Variants in MAMDC2 observed in about 807,000 individuals in gnomAD.
MAMDC2 encodes MAM domain-containing protein 2.
MAMDC2 carries 57 observed loss-of-function variants against 89.8 expected under a neutral mutation model. The observed-to-expected ratio is 0.63, with a 90% CI of 0.51 to 0.79. The LOEUF (loss-of-function observed/expected upper bound fraction) is 0.79. Among genes scored for constraint, MAMDC2 ranks in the 30% least tolerant of loss-of-function variants. The pLI is 0.00. For missense variants in MAMDC2, 800 were observed against 820.6 expected (o/e 0.97, Z 0.31); for synonymous variants, 313 against 293.4 (o/e 1.07, Z -0.68).
intron 2 of MAMDC2, among the ~76,000 whole-genome samples, chr9:70,106,821 G>C (rs934569286): frequency 8.5e-5 from 13 of 152,144 alleles, no homozygotes; most frequent in African/African-American, 2.9e-4. Flanking sequence ...GGCAAGAAAG[G>C]ATCCCTGAAG....
chr9:70,212,002 G>A (rs1353735879), intron 11 of MAMDC2, among the ~76,000 whole-genome samples: 2 of 152,212 alleles, frequency 1.3e-5, no homozygotes, highest in East Asian at 1.9e-4. Flanking sequence ...TTGTCTCAGA[G>A]GGGCACCCAG....
At chr9:70,085,497 T>C (rs1181412001) in intron 2 of MAMDC2, among the ~76,000 whole-genome samples, 1 of 152,142 alleles carries the variant, frequency 6.6e-6, no homozygotes, top group Non-Finnish European at 1.5e-5. Flanking sequence ...TTTTTCCCAG[T>C]GTCAACATAT....
intron 2 of MAMDC2, among the ~76,000 whole-genome samples, chr9:70,100,637 G>A (rs907913949): frequency 1.3e-5 from 2 of 152,204 alleles, no homozygotes; most frequent in Admixed American, 6.5e-5. Context: ...CACTTGAAAT[G>A]ATGATTAGCC....
intron 11 of MAMDC2, 50 bp downstream of exon 11, chr9:70,170,681 C>A: frequency 6.7e-7 from 1 of 1,500,030 alleles, no homozygotes; most frequent in Non-Finnish European, 8.9e-7. Context: ...TCTAAAATAG[C>A]ATTCTAGGAA....
At position 70,171,041 on chromosome 9, in the gene MAMDC2, TA is replaced by T. The variant is rs761206053; in HGVS notation, c.1651+414del. The T allele has an allele frequency of 4.4e-4, 76 of 172,378 alleles. No individual in the cohort carries two copies. The Middle Eastern group carries it at 0.018, about 40-fold the overall frequency. 10.7% of individuals were successfully genotyped at this position (172,378 alleles called of 1,614,324 possible). Reference sequence around the variant, plus strand: ...GCTTTCAGTAGCCAAAACGCACCTGTAAAACATGATTCACAGAATGAGCAGT... The same window carrying T: ...GCTTTCAGTAGCCAAAACGCACCTGTAAACATGATTCACAGAATGAGCAGT... On this transcript the variant is annotated intron_variant, in intron 11 of 13. Transcript: ENST00000377182.
intron 2 of MAMDC2, among the ~76,000 whole-genome samples, chr9:70,068,560 TACA>T (rs1204106481): frequency 2.0e-5 from 3 of 151,524 alleles, no homozygotes; most frequent in Non-Finnish European, 4.4e-5. Context: ...CTACTAAAAA[TACA>T]ACAACAACAA....
In MAMDC2 at chr9:70,150,687, G is replaced by A. The variant is rs565937592; in HGVS notation, c.1404+6868G>A. Among the ~76,000 whole-genome samples the A allele has an allele frequency of 3.3e-5, 5 of 152,190 alleles. No individual in the cohort carries two copies. In the East Asian group the frequency reaches 7.7e-4, roughly 23 times the overall value. The stretch of plus-strand genomic sequence containing the variant: ...TGCCACTTTTCCCTAAATTCCAGAC[G>A]AAACCCTTCAGTGACACCCCTAAAA... On this transcript the variant is annotated intron_variant, in intron 9 of 13. Coordinates refer to ENST00000377182, the MANE Select transcript of MAMDC2 (RefSeq NM_153267.5).
intron 2 of MAMDC2, among the ~76,000 whole-genome samples, chr9:70,079,981 C>G (rs1827617946): frequency 6.6e-6 from 1 of 152,172 alleles, no homozygotes; most frequent in Admixed American, 6.6e-5. Flanking sequence ...TTGCAAAATA[C>G]TATTCTTATT....
At chr9:70,159,032 T>C (rs896572100) in intron 9 of MAMDC2, among the ~76,000 whole-genome samples, 5 of 147,108 alleles carry the variant, frequency 3.4e-5, no homozygotes, top group Non-Finnish European at 7.4e-5. Context: ...TAAACATATA[T>C]GTGTGCATGC....
In MAMDC2 at chr9:70,143,805, C is replaced by T. The variant is rs1485073176; in HGVS notation, c.1390C>T (p.Pro464Ser). 1 of 1,613,830 alleles carries T rather than the reference C, an allele frequency of 6.2e-7. No homozygotes were observed. Among genetic ancestry groups the T allele is most frequent in the Non-Finnish European group, 8.5e-7 (1 of 1,179,862 alleles). ...GCAAGCTGAAATCACCTTTAAGAAG[C>T]CCATGCCTACCAAGGTACAGCAGAG... is the stretch of plus-strand genomic sequence containing the variant. The part of the protein sequence containing the change: ...WMQAEITFKK[P>S]MPTKVVFMSL... The change falls in exon 9 of 14, where the codon CCC (proline) becomes TCC (serine). Residue 464 changes from proline to serine, a missense_variant. Pro to Ser is a moderately conservative substitution (Grantham distance 74, BLOSUM62 -1). Transcript: ENST00000377182.
chr9:70,065,579 CTTT>C lies in MAMDC2; in HGVS notation c.148+20897_148+20899del, dbSNP rs34893537. Among the ~76,000 whole-genome samples the C allele has an allele frequency of 1.0e-3, 147 of 141,344 alleles. 1 individual carries two copies. Among genetic ancestry groups the C allele is most frequent in the Middle Eastern group, 3.6e-3 (1 of 278 alleles). 92.7% of individuals were successfully genotyped at this position (141,344 alleles called of 152,430 possible). On this transcript the variant is annotated intron_variant, in intron 2 of 13. Coordinates refer to ENST00000377182, the MANE Select transcript of MAMDC2 (RefSeq NM_153267.5). ...CAAGCAGGAGTCAAAACCCCACGTC[CTTT>C]TTTTTTTTTTTTTTAATACATGGAG...
chr9:70,156,676 A>G (rs1341245046), intron 9 of MAMDC2, among the ~76,000 whole-genome samples: 1 of 152,234 alleles, frequency 6.6e-6, no homozygotes, highest in Non-Finnish European at 1.5e-5. Flanking sequence ...GTCAAGTGGA[A>G]TAAGTTTTCA....
intron 2 of MAMDC2, among the ~76,000 whole-genome samples, chr9:70,096,392 C>T (rs1828027578): frequency 6.6e-6 from 1 of 152,190 alleles, no homozygotes; most frequent in Admixed American, 6.5e-5. Flanking sequence ...ACCTCCTGTT[C>T]TTAAAGTGGC....
chr9:70,061,001 G>A (rs574416607), intron 2 of MAMDC2, among the ~76,000 whole-genome samples: 1 of 152,066 alleles, frequency 6.6e-6, no homozygotes, highest in African/African-American at 2.4e-5. Flanking sequence ...GAAAAAGAAA[G>A]CCAATGAATG....
rs751559059 is a variant in MAMDC2 at position 70,150,140 on chromosome 9, G to A, written c.1404+6321G>A. 7.2e-5 allele frequency among the ~76,000 whole-genome samples: 11 copies of A among 152,292 alleles called. No individual in the cohort carries two copies. In the Middle Eastern group the frequency reaches 0.01, roughly 141 times the overall value. ...CCTGTCAAGGCTTCAGAGATCAAGA[G>A]TTTTCCAGAGCTATGACACCCAAAC... On this transcript the variant is annotated intron_variant, in intron 9 of 13. Transcript: ENST00000377182.
chr9:70,223,590 T>C (rs990602868), intron 12 of MAMDC2, among the ~76,000 whole-genome samples: 3 of 152,228 alleles, frequency 2.0e-5, no homozygotes, highest in African/African-American at 7.2e-5. Flanking sequence ...GCAGTTCACA[T>C]GGTGTCTGCT....
At chr9:70,203,890 T>A (rs1422338260) in intron 11 of MAMDC2, among the ~76,000 whole-genome samples, 1 of 123,750 alleles carries the variant, frequency 8.1e-6, no homozygotes, top group Non-Finnish European at 1.7e-5. Flanking sequence ...TTCTCGAGCC[T>A]TGGTTTTCAG....
chr9:70,182,985 T>C (rs1325894172), intron 11 of MAMDC2, among the ~76,000 whole-genome samples: 2 of 152,244 alleles, frequency 1.3e-5, no homozygotes, highest in Non-Finnish European at 2.9e-5. Context: ...TTTGGGCATT[T>C]AGTGCTATAC....
chr9:70,131,527 T>C lies in MAMDC2; in HGVS notation c.909T>C (p.Phe303=), dbSNP rs769288620. 6.3e-7 allele frequency: 1 copy of C among 1,598,954 alleles called. No homozygotes were observed. The highest frequency in any genetic ancestry group is 8.5e-7 in the Non-Finnish European group (1 of 1,176,324). The part of the protein sequence containing the change: ...FSAPYPMEVI[F]EVAFNGPKGG... ...GCCATTTTCCTCTGCAGGTTATTTTTGAAGTTGCTTTCAATGGTCCCAAGG... is the reference window on the plus strand; with the variant it reads ...GCCATTTTCCTCTGCAGGTTATTTTCGAAGTTGCTTTCAATGGTCCCAAGG... The change falls in exon 7 of 14, where the codon TTT becomes TTC. Residue 303 remains phenylalanine, a synonymous_variant. Coordinates refer to ENST00000377182, the MANE Select transcript of MAMDC2 (RefSeq NM_153267.5).
Sources: allele counts gnomAD v4.1 joint callset (sites outside exome capture counted in the v4.1 genomes callset), GRCh38; gene constraint gnomAD v4.1.1; transcripts MANE v1.5; gene names NCBI Gene and HGNC (gene_info 2026-07-23, HGNC 2026-07-21).